Variants in ROBO2 observed in about 807,000 individuals in gnomAD.
ROBO2 encodes the protein roundabout homolog 2.
A neutral mutation model predicts 160.8 loss-of-function variants in ROBO2; 53 were observed. That is an observed-to-expected ratio of 0.33 (90% confidence interval 0.26 to 0.41). The LOEUF (loss-of-function observed/expected upper bound fraction) is 0.41, where lower values mean the gene tolerates loss of function less well. ROBO2 is among the 10% of genes least tolerant of loss of function. ROBO2 has a pLI of 1.00. For synonymous variants in ROBO2, 664 were observed against 611.7 expected, an observed-to-expected ratio of 1.09 and a Z score of -1.26; for missense variants, 1,577 against 1,722.4, an observed-to-expected ratio of 0.92 and a Z score of 1.49.
intron 2 of ROBO2, among the ~76,000 whole-genome samples, chr3:76,934,616 CT>C (rs1425475598): frequency 6.6e-6 from 1 of 152,118 alleles, no homozygotes; most frequent in Admixed American, 6.6e-5. Context: ...TGGTGCATGC[CT>C]GTAGTCCCAG....
intron 2 of ROBO2, among the ~76,000 whole-genome samples, chr3:76,779,638 A>G (rs1044237059): frequency 2.0e-5 from 3 of 151,162 alleles, no homozygotes; most frequent in Non-Finnish European, 3.0e-5. Flanking sequence ...CACTTGGCAT[A>G]ATGTCCTCAG....
intron 2 of ROBO2, among the ~76,000 whole-genome samples, chr3:76,685,210 T>TTTC (rs370966248): frequency 7.2e-6 from 1 of 139,798 alleles, no homozygotes; most frequent in African/African-American, 2.7e-5. Flanking sequence ...TTTTTTTTTT[T>TTTC]CCAGTAATTT....
intron 2 of ROBO2, among the ~76,000 whole-genome samples, chr3:77,295,587 G>A (rs528540132): frequency 1.2e-5 from 1 of 83,498 alleles, no homozygotes; most frequent in African/African-American, 3.8e-5. Flanking sequence ...AAACGGGTAA[G>A]CTGAGGCTAG....
At chr3:76,445,342 G>C (rs147236587) in intron 2 of ROBO2, among the ~76,000 whole-genome samples, 156 of 152,232 alleles carry the variant, frequency 1.0e-3, no homozygotes, top group African/African-American at 3.7e-3. Context: ...AATTGAGAGG[G>C]AAAGTAAACA....
intron 6 of ROBO2, among the ~76,000 whole-genome samples, chr3:77,533,124 C>T (rs192011809): frequency 2.0e-5 from 3 of 152,052 alleles, no homozygotes; most frequent in African/African-American, 7.3e-5. Context: ...AATTCAATAA[C>T]CCTTATTTAG....
At chr3:77,069,656 A>G (rs2067207116) in intron 1 of ROBO2, among the ~76,000 whole-genome samples, 1 of 152,214 alleles carries the variant, frequency 6.6e-6, no homozygotes, top group Non-Finnish European at 1.5e-5. Context: ...TAATTAATTC[A>G]GTAAACATGT....
intron 2 of ROBO2, among the ~76,000 whole-genome samples, chr3:76,033,675 A>G (rs1023781502): frequency 6.6e-6 from 1 of 152,222 alleles, no homozygotes; most frequent in African/African-American, 2.4e-5. Flanking sequence ...TGAGACAGCA[A>G]TATGGGCAGG....
chr3:77,082,018 C>T (rs1340352767), intron 1 of ROBO2, among the ~76,000 whole-genome samples: 1 of 152,048 alleles, frequency 6.6e-6, no homozygotes, highest in African/African-American at 2.4e-5. Context: ...CTGCATAGGC[C>T]CTATGTTTAA....
At chr3:77,224,919 C>A (rs1385192140) in intron 2 of ROBO2, among the ~76,000 whole-genome samples, 2 of 151,700 alleles carry the variant, frequency 1.3e-5, no homozygotes, top group Non-Finnish European at 3.0e-5. Context: ...AAGTTTCCAT[C>A]AAATATAGGA....
chr3:76,512,238 AAT>A (rs1002801422), intron 2 of ROBO2, among the ~76,000 whole-genome samples: 3 of 150,186 alleles, frequency 2.0e-5, no homozygotes, highest in Non-Finnish European at 3.0e-5. Flanking sequence ...TGTTTCCTTA[AAT>A]ATATATATAT....
intron 2 of ROBO2, among the ~76,000 whole-genome samples, chr3:76,127,894 CT>C (rs10691388): frequency 1.3e-4 from 15 of 117,616 alleles, no homozygotes; most frequent in African/African-American, 3.3e-4. Flanking sequence ...GAAGACATTT[CT>C]TTTTTTTTTT....
At chr3:76,455,480 T>C (rs1487468318) in intron 2 of ROBO2, among the ~76,000 whole-genome samples, 2 of 152,132 alleles carry the variant, frequency 1.3e-5, no homozygotes, top group East Asian at 1.9e-4. Context: ...ATAAAATGTA[T>C]TTTTATTGGT....
intron 2 of ROBO2, among the ~76,000 whole-genome samples, chr3:77,267,718 T>C (rs990033209): frequency 4.6e-5 from 7 of 152,200 alleles, no homozygotes; most frequent in Admixed American, 1.3e-4. Flanking sequence ...CAGATGGCTA[T>C]GTAAAGTGCA....
At chr3:76,210,251 GGAATC>G (rs1703060952) in intron 2 of ROBO2, among the ~76,000 whole-genome samples, 1 of 152,022 alleles carries the variant, frequency 6.6e-6, no homozygotes, top group South Asian at 2.1e-4. Flanking sequence ...CATATTTCTA[GGAATC>G]TTGTATTTGA....
intron 2 of ROBO2, chr3:76,434,477 G>T (rs140003269): frequency 1.3e-5 from 20 of 1,550,452 alleles, no homozygotes; most frequent in Admixed American, 3.3e-5. Context: ...GAATGATGCT[G>T]CCATGTTTTA....
intron 2 of ROBO2, among the ~76,000 whole-genome samples, chr3:76,088,227 CA>C (rs1394533001): frequency 6.6e-6 from 1 of 151,964 alleles, no homozygotes; most frequent in Non-Finnish European, 1.5e-5. Context: ...ACATATGAGG[CA>C]AAAACTGATA....
At chr3:77,461,977 C>T (rs576794414) in intron 2 of ROBO2, among the ~76,000 whole-genome samples, 127 of 152,260 alleles carry the variant, frequency 8.3e-4, no homozygotes, top group South Asian at 7.7e-3. Context: ...CCACCTGCCT[C>T]GGCCTCTCAA....
intron 2 of ROBO2, among the ~76,000 whole-genome samples, chr3:76,155,957 G>A (rs554466925): frequency 2.0e-5 from 3 of 152,064 alleles, no homozygotes; most frequent in African/African-American, 2.4e-5. Context: ...GAAACTAGTC[G>A]GTTATATATA....
At chr3:77,057,760 G>A (rs1012271190) in intron 1 of ROBO2, among the ~76,000 whole-genome samples, 7 of 151,618 alleles carry the variant, frequency 4.6e-5, no homozygotes, top group African/African-American at 1.7e-4. Flanking sequence ...TAGTAGAGAC[G>A]GGGTTTTACC....
Sources: gnomAD v4.1 joint callset for allele counts (sites outside exome capture counted in the v4.1 genomes callset) on GRCh38, gnomAD v4.1.1 for gene constraint, MANE v1.5 for transcripts, NCBI Gene and HGNC (gene_info 2026-07-23, HGNC 2026-07-21) for gene names.